The following LCTL variants were observed in gnomAD, a reference collection of about 807,000 sequenced individuals.
The protein encoded by LCTL is lactase-like protein.
Under a neutral mutation model 75.8 loss-of-function variants are expected in LCTL, and 76 were observed. That is an observed-to-expected ratio of 1.00 (90% CI 0.83 to 1.21). The LOEUF (loss-of-function observed/expected upper bound fraction) is 1.21. Ranked by LOEUF, LCTL falls within the 50% of genes most tolerant of loss-of-function variation. LCTL has a pLI of 0.00. For synonymous variants in LCTL, 271 were observed against 268.8 expected (o/e 1.01, Z -0.08); for missense variants, 670 against 712.4 (o/e 0.94, Z 0.68).
chr15:66,547,695 G>C (rs1895429050), exon 13 of LCTL: 1 of 152,212 alleles, frequency 6.6e-6, no homozygotes, highest in South Asian at 2.1e-4. Flanking sequence ...TGTCAGAAGA[G>C]TGTACGTGCT....
rs114659727 is a variant in LCTL at position 66,552,331 on chromosome 15, A to G, written c.1198-162T>C. Among the ~76,000 whole-genome samples, 430 of 152,294 alleles carry G rather than the reference A, an allele frequency of 2.8e-3. 2 individuals carry two copies. The highest frequency in any genetic ancestry group is 0.017 in the Middle Eastern group (5 of 294). ...CAGATAACATGTTTATTTAGAGACT[A>G]ATGTAGGCAGGAGACAGGTTCTTAT... On this transcript the variant is annotated intron_variant, in intron 9 of 12. Coordinates refer to ENST00000341509, the Ensembl canonical transcript of LCTL.
chr15:66,560,036 G>A lies in LCTL; in HGVS notation c.705+970C>T, dbSNP rs190942815. On this transcript the variant is annotated intron_variant, in intron 6 of 12. Coordinates refer to ENST00000341509, the Ensembl canonical transcript of LCTL. Reference sequence around the variant, plus strand: ...CGGGAGGCGGAGGTTGCAGTGAGCCGAGATCACGCCGCTTCACTGCATCCT... The same window carrying A: ...CGGGAGGCGGAGGTTGCAGTGAGCCAAGATCACGCCGCTTCACTGCATCCT... 1.6e-4 allele frequency among the ~76,000 whole-genome samples: 25 copies of A among 152,092 alleles called. No individual in the cohort carries two copies. In the East Asian group the frequency reaches 4.4e-3, roughly 27 times the overall value.
chr15:66,560,223 G>T (rs1895852768), intron 6 of LCTL, among the ~76,000 whole-genome samples: 1 of 152,124 alleles, frequency 6.6e-6, no homozygotes, highest in Non-Finnish European at 1.5e-5. Flanking sequence ...GTGGTTCCTT[G>T]CCTTCCAGCT....
In LCTL at chr15:66,564,760, C is replaced by T. The variant is rs1158643733; in HGVS notation, c.198G>A (p.Trp66Ter). 6.2e-7 allele frequency: 1 copy of T among 1,613,728 alleles called. No individual in the cohort carries two copies. Among genetic ancestry groups the T allele is most frequent in the Non-Finnish European group, 8.5e-7 (1 of 1,179,990 alleles). Residue 66 changes from tryptophan (W) to a stop codon, truncating the protein, a stop_gained, in exon 2 of 13, where the codon TGG becomes TGA. Transcript: ENST00000341509. LOFTEE classifies it high-confidence loss of function. ...CCTTCCCACTGTGTGTGAAGACGTCCCAGATGCTAGGCCCTTTCCCGTCCT... is the reference window on the plus strand; with the variant it reads ...CCTTCCCACTGTGTGTGAAGACGTCTCAGATGCTAGGCCCTTTCCCGTCCT...
intron 2 of LCTL, 161 bp downstream of exon 3, chr15:66,564,515 G>T: frequency 1.3e-6 from 1 of 776,726 alleles, no homozygotes; most frequent in Non-Finnish European, 2.0e-6. Context: ...CACTGGCCCT[G>T]CCCCCTCTGG....
exon 13 of LCTL, chr15:66,547,787 T>G (rs926071807): frequency 4.6e-5 from 7 of 152,122 alleles, no homozygotes; most frequent in Non-Finnish European, 7.3e-5. Context: ...TCTATAGATT[T>G]CTTTTCTTTT....
chr15:66,564,691 G>A, exon 2 of LCTL: 2 of 1,612,538 alleles, frequency 1.2e-6, no homozygotes, highest in Non-Finnish European at 1.7e-6. Context: ...CCTTGTAGTA[G>A]CCGTCACAGG....
chr15:66,559,964 G>T (rs1383780935), intron 6 of LCTL, among the ~76,000 whole-genome samples: 1 of 151,896 alleles, frequency 6.6e-6, no homozygotes, highest in East Asian at 1.9e-4. Flanking sequence ...GTGCACGCCT[G>T]TAGTCCCAGC....
At chr15:66,561,952 C>T (rs927345554) in intron 4 of LCTL, among the ~76,000 whole-genome samples, 2 of 152,122 alleles carry the variant, frequency 1.3e-5, no homozygotes, top group African/African-American at 2.4e-5. Context: ...CTAACCCTTC[C>T]CTCTCCTACC....
At chr15:66,551,517 G>A in intron 11 of LCTL, 145 bp downstream of exon 12, 2 of 649,802 alleles carry the variant, frequency 3.1e-6, no homozygotes, top group Non-Finnish European at 5.4e-6. Context: ...AAGCAAATGA[G>A]TAAAGGTGAA....
At chr15:66,554,934 C>T (rs1199850172) in intron 8 of LCTL, among the ~76,000 whole-genome samples, 4 of 152,162 alleles carry the variant, frequency 2.6e-5, no homozygotes, top group Admixed American at 2.6e-4. Flanking sequence ...TGACTTTTTA[C>T]TTCATATTTT....
exon 4 of LCTL, chr15:66,563,567 C>T: frequency 6.2e-7 from 1 of 1,612,720 alleles, no homozygotes; most frequent in Non-Finnish European, 8.5e-7. Context: ...TGTTGCTGCT[C>T]AGAAGGGCAT....
At chr15:66,564,995 G>A (rs1287308784) in intron 1 of LCTL, among the ~76,000 whole-genome samples, 156 bp from the exon 3 acceptor site, 2 of 152,178 alleles carry the variant, frequency 1.3e-5, no homozygotes, top group African/African-American at 4.8e-5. Context: ...GTGAGCACAT[G>A]AGGCACGGTA....
exon 13 of LCTL, chr15:66,548,543 A>G (rs768766361): frequency 6.2e-7 from 1 of 1,613,802 alleles, no homozygotes; most frequent in East Asian, 2.2e-5. Flanking sequence ...ATGAGGACAC[A>G]GAGGGAGCAG....
intron 6 of LCTL, among the ~76,000 whole-genome samples, chr15:66,558,665 GTT>G (rs1359211880): frequency 2.7e-5 from 4 of 147,590 alleles, no homozygotes; most frequent in Admixed American, 6.9e-5. Flanking sequence ...AGAATCTGTG[GTT>G]TTTGTGTGTG....
At chr15:66,550,212 A>G (rs1895545146) in intron 11 of LCTL, 108 bp from the exon 13 acceptor site, 4 of 655,088 alleles carry the variant, frequency 6.1e-6, no homozygotes, top group Non-Finnish European at 1.1e-5. Context: ...TTTAAAATCT[A>G]TCTGTAGTTT....
At chr15:66,552,926 C>A in intron 9 of LCTL, 58 bp downstream of exon 10, 1 of 1,384,252 alleles carries the variant, frequency 7.2e-7, no homozygotes, top group Non-Finnish European at 9.5e-7. Context: ...TGAGCTTAAG[C>A]TGTGAGAACA....
chr15:66,551,365 A>AG (rs1895592874), intron 11 of LCTL, among the ~76,000 whole-genome samples: 1 of 151,002 alleles, frequency 6.6e-6, no homozygotes, highest in South Asian at 2.1e-4. Context: ...AAAAAAAAAA[A>AG]AAAAAGACAC....
chr15:66,560,142 A>G (rs377312162), intron 6 of LCTL, among the ~76,000 whole-genome samples: 56 of 152,254 alleles, frequency 3.7e-4, no homozygotes, highest in African/African-American at 1.3e-3. Context: ...TTAAGAAATC[A>G]TAAGCCAAAT....
Sources: gnomAD v4.1 joint callset for allele counts (sites outside exome capture counted in the v4.1 genomes callset) on GRCh38, gnomAD v4.1.1 for gene constraint, MANE v1.5 for transcripts, NCBI Gene and HGNC (gene_info 2026-07-23, HGNC 2026-07-21) for gene names.